Variants in DHX35 observed in about 807,000 individuals in gnomAD.
DHX35 encodes the protein probable ATP-dependent RNA helicase DHX35.
DHX35 carries 84 observed loss-of-function variants against 99.6 expected under a neutral mutation model. That is an observed-to-expected ratio of 0.84 (90% CI 0.71 to 1.01). The LOEUF is 1.01. Ranked by LOEUF, DHX35 falls within the 50% of genes least tolerant of loss-of-function variation. The pLI is 0.00. For synonymous variants in DHX35, 331 were observed against 316.2 expected (o/e 1.05, Z -0.50); for missense variants, 852 against 888.5 (o/e 0.96, Z 0.52).
chr20:38,996,226 C>G (rs2086426766), intron 8 of DHX35, among the ~76,000 whole-genome samples: 1 of 152,196 alleles, frequency 6.6e-6, no homozygotes, highest in Non-Finnish European at 1.5e-5. Flanking sequence ...TCTCACTTGT[C>G]TATCACTATT....
At chr20:38,994,706 C>A in intron 7 of DHX35, 115 bp from the exon 8 acceptor site, 1 of 575,462 alleles carries the variant, frequency 1.7e-6, no homozygotes, top group Non-Finnish European at 2.7e-6. Context: ...ACCTCCTCCT[C>A]AGGCAAAAAA....
intron 19 of DHX35, chr20:39,030,499 C>T: frequency 1.8e-6 from 1 of 559,292 alleles, no homozygotes; most frequent in Admixed American, 3.3e-5. Context: ...CTCCTCTTCG[C>T]TTTTTCCACG....
rs553467170 is a variant in DHX35 at position 39,029,405 on chromosome 20, A to C, written c.1883+906A>C. On this transcript the variant is annotated intron_variant, in intron 19 of 21. Transcript: ENST00000252011. ...CCAGAGTTGCACTGAGCCTTTTTTA[A>C]TTTTGACAGCCAGATCTGCTCCATC... 8.7e-5 allele frequency: 13 copies of C among 150,202 alleles called. No individual in the cohort carries two copies. The East Asian group carries it at 2.3e-3, about 27-fold the overall frequency. 9.3% of individuals were successfully genotyped at this position (150,202 alleles called of 1,614,324 possible). A position where few individuals can be genotyped will look rare whatever the true frequency, so the allele number is the denominator to read the frequency against.
chr20:39,026,986 A>G (rs2086967541), intron 18 of DHX35, among the ~76,000 whole-genome samples: 1 of 152,172 alleles, frequency 6.6e-6, no homozygotes, highest in Admixed American at 6.5e-5. Context: ...ACCCAGCCTG[A>G]GAAATTAAAT....
chr20:39,034,774 C>CTTTTTTTTT (rs59858652), intron 21 of DHX35, among the ~76,000 whole-genome samples: 3 of 135,110 alleles, frequency 2.2e-5, no homozygotes, highest in Admixed American at 7.4e-5. Flanking sequence ...TTTCTTTTTT[C>CTTTTTTTTT]TTTTTTTTTT....
chr20:39,006,451 C>T, intron 12 of DHX35, 95 bp downstream of exon 12: 1 of 1,344,552 alleles, frequency 7.4e-7, no homozygotes, highest in Non-Finnish European at 1.0e-6. Flanking sequence ...TAGAACTTAA[C>T]ATAAAATACA....
chr20:38,969,288 G>A, intron 2 of DHX35, 74 bp downstream of exon 2: 1 of 1,477,122 alleles, frequency 6.8e-7, no homozygotes. Context: ...CAGCACTGAA[G>A]GGAATGATGG....
intron 7 of DHX35, among the ~76,000 whole-genome samples, chr20:38,993,420 C>T (rs1336973680): frequency 2.0e-5 from 3 of 152,062 alleles, no homozygotes; most frequent in Admixed American, 6.6e-5. Context: ...AATACAATGG[C>T]GTGATCTTGG....
At chr20:38,994,710 C>CA in intron 7 of DHX35, 111 bp from the exon 8 acceptor site, 1 of 676,528 alleles carries the variant, frequency 1.5e-6, no homozygotes, top group Non-Finnish European at 2.2e-6. Flanking sequence ...CCTCCTCAGG[C>CA]AAAAAAGAAA....
chr20:39,020,047 C>T (rs1245376413), intron 15 of DHX35, among the ~76,000 whole-genome samples: 2 of 152,190 alleles, frequency 1.3e-5, no homozygotes, highest in Non-Finnish European at 2.9e-5. Context: ...TCCATTTATG[C>T]TGTCATGAAT....
chr20:38,994,628 A>C (rs2086395847), intron 7 of DHX35, among the ~76,000 whole-genome samples, 193 bp from the exon 8 acceptor site: 2 of 116,350 alleles, frequency 1.7e-5, no homozygotes, highest in Admixed American at 8.8e-5. Context: ...TAATAGTGTA[A>C]TGACCCCCCC....
rs779466276 is a variant in DHX35, at chr20:38,994,807, G to A, written c.583-14G>A. The stretch of plus-strand genomic sequence containing the variant: ...TGCACTATTATCATTATTTCCAAAT[G>A]TCTTCTTTTTTAGATTCAGAAAAAG... On this transcript the variant is annotated splice_polypyrimidine_tract_variant and intron_variant, in intron 7 of 21. Coordinates refer to ENST00000252011, the MANE Select transcript of DHX35 (RefSeq NM_021931.4). 2.9e-5 allele frequency: 47 copies of A among 1,608,790 alleles called. No homozygotes were observed. Among genetic ancestry groups the A allele is most frequent in the Non-Finnish European group, 3.8e-5 (45 of 1,175,372 alleles).
chr20:39,012,095 A>G (rs2086711275), intron 13 of DHX35, among the ~76,000 whole-genome samples: 2 of 152,166 alleles, frequency 1.3e-5, no homozygotes, highest in African/African-American at 4.8e-5. Context: ...TAAAAATACA[A>G]AAATTAGCCA....
At chr20:39,024,271 TA>T (rs1457924750) in intron 17 of DHX35, among the ~76,000 whole-genome samples, 1 of 152,214 alleles carries the variant, frequency 6.6e-6, no homozygotes, top group Non-Finnish European at 1.5e-5. Flanking sequence ...TAATATTCTT[TA>T]AAACTAAGCA....
At chr20:39,000,776 G>A (rs2086505819) in intron 8 of DHX35, among the ~76,000 whole-genome samples, 1 of 152,082 alleles carries the variant, frequency 6.6e-6, no homozygotes, top group Non-Finnish European at 1.5e-5. Flanking sequence ...CAGGCCTCAG[G>A]GAAATGAGTA....
At position 39,038,870 on chromosome 20, in the gene DHX35, G is replaced by A; in HGVS notation, c.*327G>A. On this transcript the variant is annotated 3_prime_UTR_variant, in exon 22 of 22. Transcript: ENST00000252011. ...CTGGCCCAGCTCTATGGGAAACAAG[G>A]AGGAAAGTTAGCCACTGAAGGCCAA... 1 of 383,544 alleles carries A rather than the reference G, an allele frequency of 2.6e-6. No homozygotes were observed. Among genetic ancestry groups the A allele is most frequent in the Non-Finnish European group, 4.8e-6 (1 of 209,140 alleles). 23.8% of individuals were successfully genotyped at this position (383,544 alleles called of 1,614,324 possible).
chr20:38,971,257 G>A (rs1026828510), intron 2 of DHX35, among the ~76,000 whole-genome samples: 2 of 152,186 alleles, frequency 1.3e-5, no homozygotes, highest in African/African-American at 2.4e-5. Flanking sequence ...GGGAGGCTGA[G>A]GCAGGAGAAC....
intron 3 of DHX35, among the ~76,000 whole-genome samples, chr20:38,980,307 C>A (rs182917327): frequency 1.3e-5 from 2 of 152,160 alleles, no homozygotes; most frequent in Non-Finnish European, 2.9e-5. Context: ...AGCTTGAAGT[C>A]CAGGATACAG....
intron 16 of DHX35, among the ~76,000 whole-genome samples, chr20:39,023,365 T>C (rs144539105): frequency 6.6e-6 from 1 of 152,344 alleles, no homozygotes; most frequent in African/African-American, 2.4e-5. Flanking sequence ...AATTTCTTTC[T>C]TTCTTTCTTT....
Sources: allele counts gnomAD v4.1 joint callset (sites outside exome capture counted in the v4.1 genomes callset), GRCh38; gene constraint gnomAD v4.1.1; transcripts MANE v1.5; gene names NCBI Gene and HGNC (gene_info 2026-07-23, HGNC 2026-07-21).